Variants in UBAP1 observed in about 807,000 individuals in gnomAD.
UBAP1 encodes the protein ubiquitin-associated protein 1.
Under a neutral mutation model 39.0 loss-of-function variants are expected in UBAP1, and 5 were observed. That is an observed-to-expected ratio of 0.13 (90% CI 0.07 to 0.27). The LOEUF is 0.27. UBAP1 is among the 10% of genes least tolerant of loss of function. The probability of loss-of-function intolerance (pLI) is 1.00; values close to 1 mark genes in which losing one functional copy is unlikely to be tolerated. For synonymous variants in UBAP1, 211 were observed against 225.1 expected, an observed-to-expected ratio of 0.94 and a Z score of 0.56; for missense variants, 490 against 608.1, an observed-to-expected ratio of 0.81 and a Z score of 2.04.
intron 1 of UBAP1, among the ~76,000 whole-genome samples, chr9:34,211,812 A>C (rs1000890836): frequency 6.6e-6 from 1 of 151,248 alleles, no homozygotes; most frequent in Admixed American, 6.6e-5. Context: ...CTGTTTCCCC[A>C]TCTCTTTTTA....
At chr9:34,248,849 G>T (rs772022080) in intron 4 of UBAP1, among the ~76,000 whole-genome samples, 10 of 152,178 alleles carry the variant, frequency 6.6e-5, no homozygotes, top group African/African-American at 9.7e-5. Flanking sequence ...AAAAATTTTT[G>T]TGTGAACATC....
intron 1 of UBAP1, among the ~76,000 whole-genome samples, chr9:34,200,838 CTAAATAA>C (rs1330403856): frequency 1.3e-5 from 2 of 152,034 alleles, no homozygotes; most frequent in Admixed American, 6.6e-5. Flanking sequence ...ATATATATTC[CTAAATAA>C]TATATTGTTT....
chr9:34,219,055 ACT>A (rs770502449), intron 1 of UBAP1, among the ~76,000 whole-genome samples: 142 of 151,602 alleles, frequency 9.4e-4, no homozygotes, highest in African/African-American at 3.1e-3. Context: ...AACAGAATAC[ACT>A]CTATCTCTAC....
chr9:34,193,590 G>A (rs1264968712), intron 1 of UBAP1, among the ~76,000 whole-genome samples: 3 of 152,136 alleles, frequency 2.0e-5, no homozygotes, highest in Admixed American at 1.3e-4. Context: ...GTGTTCCCAC[G>A]ATCCCCTCTT....
At chr9:34,243,585 G>C (rs1371466619) in intron 4 of UBAP1, among the ~76,000 whole-genome samples, 3 of 151,422 alleles carry the variant, frequency 2.0e-5, no homozygotes, top group Admixed American at 1.3e-4. Flanking sequence ...TCCCAGGGTC[G>C]GGCGATTGTC....
chr9:34,235,931 T>C (rs1328531110), intron 3 of UBAP1, among the ~76,000 whole-genome samples: 1 of 151,866 alleles, frequency 6.6e-6, no homozygotes, highest in Non-Finnish European at 1.5e-5. Flanking sequence ...TCTGTCTCTA[T>C]GTAACCTCCG....
intron 1 of UBAP1, among the ~76,000 whole-genome samples, chr9:34,194,072 A>G (rs1830883606): frequency 6.6e-6 from 1 of 152,336 alleles, no homozygotes; most frequent in Non-Finnish European, 1.5e-5. Flanking sequence ...GGAACAGTGG[A>G]TGAAAACCAA....
intron 1 of UBAP1, among the ~76,000 whole-genome samples, chr9:34,202,624 C>CCTGTGTGTGTGT (rs1491103579): frequency 0.018 from 1,878 of 107,278 alleles, 215 homozygotes; most frequent in South Asian, 0.029. Context: ...TAGACAGAAA[C>CCTGTGTGTGTGT]GTGTGTGTGT....
chr9:34,190,887 A>T (rs1830681606), intron 1 of UBAP1, among the ~76,000 whole-genome samples: 1 of 147,924 alleles, frequency 6.8e-6, no homozygotes, highest in African/African-American at 2.5e-5. Flanking sequence ...AGTTCAGGTG[A>T]TCCACCTGCC....
At chr9:34,202,643 G>A (rs1404209334) in intron 1 of UBAP1, among the ~76,000 whole-genome samples, 50 of 142,352 alleles carry the variant, frequency 3.5e-4, no homozygotes, top group African/African-American at 1.2e-3. Context: ...GTGTGTGTGT[G>A]TGTGTGTGTG....
chr9:34,210,906 A>G (rs763818352), intron 1 of UBAP1, among the ~76,000 whole-genome samples: 2 of 151,806 alleles, frequency 1.3e-5, no homozygotes, highest in Non-Finnish European at 2.9e-5. Flanking sequence ...TCTGCATGTC[A>G]GGCAGTATAT....
intron 3 of UBAP1, among the ~76,000 whole-genome samples, chr9:34,240,556 A>C (rs1563919441): frequency 6.6e-6 from 1 of 152,210 alleles, no homozygotes; most frequent in Non-Finnish European, 1.5e-5. Context: ...TATACTTAAG[A>C]TATTGTTAAA....
chr9:34,180,758 A>G (rs1023849966), intron 1 of UBAP1, among the ~76,000 whole-genome samples: 5 of 152,002 alleles, frequency 3.3e-5, no homozygotes, highest in African/African-American at 1.2e-4. Flanking sequence ...ACAGCAGATA[A>G]CTTTACTAAC....
At chr9:34,217,491 T>C (rs1222691567) in intron 1 of UBAP1, among the ~76,000 whole-genome samples, 1 of 152,106 alleles carries the variant, frequency 6.6e-6, no homozygotes, top group Non-Finnish European at 1.5e-5. Context: ...CTTCTTCGGC[T>C]TCTCAAAGTT....
At chr9:34,219,816 CCCCTTCCCTCT>C (rs1321338097) in intron 1 of UBAP1, among the ~76,000 whole-genome samples, 1 of 40,850 alleles carries the variant, frequency 2.4e-5, no homozygotes, top group African/African-American at 1.1e-4. Flanking sequence ...CTCTCCCCTC[CCCCTTCCCTCT>C]CCCTTCCCCT....
intron 1 of UBAP1, among the ~76,000 whole-genome samples, chr9:34,189,800 T>C (rs1178478222): frequency 6.6e-6 from 1 of 151,612 alleles, no homozygotes; most frequent in African/African-American, 2.4e-5. Context: ...CCATGCTCGA[T>C]TAATTTTGTA....
intron 2 of UBAP1, chr9:34,224,427 C>T (rs1263191342): frequency 1.2e-5 from 5 of 400,540 alleles, no homozygotes; most frequent in African/African-American, 2.1e-5. Context: ...AACGCTGAGC[C>T]CCAGGAGAAA....
chr9:34,244,532 G>A (rs935219715), intron 4 of UBAP1, among the ~76,000 whole-genome samples: 1 of 14,946 alleles, frequency 6.7e-5, no homozygotes, highest in African/African-American at 3.0e-4. Flanking sequence ...TTGCGATCTC[G>A]GCTCACTGCA....
chr9:34,195,884 A>G (rs1449467580), intron 1 of UBAP1, among the ~76,000 whole-genome samples: 1 of 131,576 alleles, frequency 7.6e-6, no homozygotes, highest in South Asian at 2.6e-4. Flanking sequence ...GGCATGAGCC[A>G]CCACGTCCGG....
Sources: allele counts gnomAD v4.1 joint callset (sites outside exome capture counted in the v4.1 genomes callset), GRCh38; gene constraint gnomAD v4.1.1; transcripts MANE v1.5; gene names NCBI Gene and HGNC (gene_info 2026-07-23, HGNC 2026-07-21).